The following SPOCK1 variants were observed in gnomAD, a reference collection of about 807,000 sequenced individuals.
SPOCK1 encodes the protein SPARC (osteonectin), cwcv and kazal like domains proteoglycan 1, also known as testican-1.
SPOCK1 carries 23 observed loss-of-function variants against 55.3 expected under a neutral mutation model. The ratio of observed to expected loss-of-function variants is 0.42; its 90% confidence interval spans 0.30 to 0.59. The LOEUF (loss-of-function observed/expected upper bound fraction) is 0.59. SPOCK1 is among the 20% of genes least tolerant of loss of function. SPOCK1 has a pLI of 0.22. For synonymous variants in SPOCK1, 226 were observed against 221.0 expected, an observed-to-expected ratio of 1.02 and a Z score of -0.20; for missense variants, 499 against 552.5, an observed-to-expected ratio of 0.90 and a Z score of 0.97.
At chr5:137,386,397 G>C (rs1001676229) in intron 2 of SPOCK1, among the ~76,000 whole-genome samples, 11 of 150,408 alleles carry the variant, frequency 7.3e-5, no homozygotes, top group Non-Finnish European at 1.2e-4. Context: ...AGAGGCCAAA[G>C]ACTGAATAGA....
chr5:137,389,024 A>G (rs1049438923), intron 2 of SPOCK1, among the ~76,000 whole-genome samples: 1 of 152,220 alleles, frequency 6.6e-6, no homozygotes, highest in Admixed American at 6.5e-5. Context: ...CTCATTCCAA[A>G]GACCAATCAA....
intron 3 of SPOCK1, among the ~76,000 whole-genome samples, chr5:137,162,130 T>G (rs952847788): frequency 7.2e-6 from 1 of 138,684 alleles, no homozygotes; most frequent in Non-Finnish European, 1.5e-5. Context: ...TCTAATGCTT[T>G]CTTTTTTTTT....
intron 2 of SPOCK1, among the ~76,000 whole-genome samples, chr5:137,361,478 C>G (rs144603307): frequency 1.4e-4 from 22 of 152,106 alleles, no homozygotes; most frequent in Non-Finnish European, 3.1e-4. Context: ...AGCATGTGTA[C>G]GTGCATAGAT....
At chr5:136,988,177 T>G (rs988764948) in intron 8 of SPOCK1, among the ~76,000 whole-genome samples, 4 of 152,220 alleles carry the variant, frequency 2.6e-5, no homozygotes, top group Non-Finnish European at 4.4e-5. Context: ...GTTGAGAGAC[T>G]TCCCCAAAGG....
At chr5:137,444,910 C>G (rs150295961) in intron 2 of SPOCK1, among the ~76,000 whole-genome samples, 201 of 152,352 alleles carry the variant, frequency 1.3e-3, no homozygotes, top group African/African-American at 4.6e-3. Context: ...ACCCAGCTAC[C>G]TAAGTTCCTC....
At chr5:137,373,618 C>T (rs888293377) in intron 2 of SPOCK1, among the ~76,000 whole-genome samples, 1 of 152,230 alleles carries the variant, frequency 6.6e-6, no homozygotes, top group African/African-American at 2.4e-5. Flanking sequence ...TCCTGAATGA[C>T]CCCACCTGGA....
At chr5:137,468,701 AGT>A (rs1214261056) in intron 2 of SPOCK1, among the ~76,000 whole-genome samples, 1 of 152,182 alleles carries the variant, frequency 6.6e-6, no homozygotes, top group African/African-American at 2.4e-5. Flanking sequence ...TCAAAAATTG[AGT>A]GTCAGCTGAA....
chr5:137,103,104 C>T (rs1360700989), intron 5 of SPOCK1, among the ~76,000 whole-genome samples: 2 of 152,118 alleles, frequency 1.3e-5, no homozygotes, highest in Admixed American at 1.3e-4. Flanking sequence ...GATTCTCCTG[C>T]CTCAGCCTCC....
Position 137,090,650 on chromosome 5 carries a change from C to T in SPOCK1, c.474+21785G>A, listed in dbSNP as rs1753036536. ...AATGGAAGGGCAGAATTCGGTCGAGCTTGATTGTGATGTAAAGTTGTATCC... is the reference window on the plus strand; with the variant it reads ...AATGGAAGGGCAGAATTCGGTCGAGTTTGATTGTGATGTAAAGTTGTATCC... On this transcript the variant is annotated intron_variant, in intron 5 of 10. Coordinates refer to ENST00000394945, the MANE Select transcript of SPOCK1 (RefSeq NM_004598.4). Among the ~76,000 whole-genome samples the T allele has an allele frequency of 2.0e-5, 3 of 152,184 alleles. No homozygotes were observed. The South Asian group carries it at 6.2e-4, about 32-fold the overall frequency.
chr5:137,194,013 G>A (rs1190764333), intron 3 of SPOCK1, among the ~76,000 whole-genome samples: 1 of 152,122 alleles, frequency 6.6e-6, no homozygotes, highest in African/African-American at 2.4e-5. Flanking sequence ...AAATGGCTGG[G>A]GTCAGCTCTC....
chr5:136,989,704 C>T (rs1385966311), intron 7 of SPOCK1, among the ~76,000 whole-genome samples: 3 of 152,072 alleles, frequency 2.0e-5, no homozygotes, highest in African/African-American at 7.2e-5. Flanking sequence ...CTCAATGACA[C>T]CTCTGCTAGC....
At chr5:136,979,293 C>T (rs780961902) in intron 10 of SPOCK1, 39 bp downstream of exon 10, 3 of 1,612,594 alleles carry the variant, frequency 1.9e-6, no homozygotes, top group Non-Finnish European at 2.5e-6. Context: ...CACAGGCCAC[C>T]CAGGTCATTG....
Position 136,985,148 on chromosome 5 carries a change from C to T in SPOCK1, c.983G>A (p.Ser328Asn), listed in dbSNP as rs1451511957. The T allele has an allele frequency of 6.2e-7, 1 of 1,614,130 alleles. No homozygotes were observed. Among genetic ancestry groups the T allele is most frequent in the South Asian group, 1.1e-5 (1 of 91,084 alleles). Residue 328 changes from serine (S) to asparagine (N), a missense_variant, in exon 9 of 11, where the codon AGC becomes AAC. Physicochemically the swap from Ser to Asn is conservative, Grantham distance 46. Around this residue, in one of 3 missense-constraint regions of SPOCK1, gnomAD observed 30 missense variants for 64.4 expected, o/e 0.47. Coordinates refer to ENST00000394945, the MANE Select transcript of SPOCK1 (RefSeq NM_004598.4). ...CAAGAAATTGTACTTACCCAACAGG[C>T]TTTTCCCCTTACTCAGCTTCTGAAT... ...NRIQKLSKGK[S>N]LLGAFIPRCN...
chr5:137,205,155 AT>A (rs1268848432), intron 3 of SPOCK1, among the ~76,000 whole-genome samples: 1 of 152,202 alleles, frequency 6.6e-6, no homozygotes, highest in African/African-American at 2.4e-5. Flanking sequence ...GAGCAAGTTC[AT>A]TCACTGCCAT....
At chr5:137,225,740 G>A (rs1313647445) in intron 3 of SPOCK1, among the ~76,000 whole-genome samples, 2 of 152,200 alleles carry the variant, frequency 1.3e-5, no homozygotes, top group African/African-American at 2.4e-5. Context: ...TGTCTAAGGT[G>A]GAGCTGCAAA....
chr5:137,040,235 G>C (rs1356266951), intron 6 of SPOCK1, among the ~76,000 whole-genome samples: 2 of 152,238 alleles, frequency 1.3e-5, no homozygotes, highest in Non-Finnish European at 2.9e-5. Flanking sequence ...ATCCGAAGAG[G>C]TGGGAAGGAT....
chr5:137,232,840 A>C (rs1756093067), intron 3 of SPOCK1, among the ~76,000 whole-genome samples: 1 of 152,222 alleles, frequency 6.6e-6, no homozygotes. Flanking sequence ...CTGTTCATTC[A>C]GGTCTTCTTT....
chr5:137,449,910 A>G (rs1253799025), intron 2 of SPOCK1, among the ~76,000 whole-genome samples: 10 of 147,368 alleles, frequency 6.8e-5, no homozygotes, highest in Middle Eastern at 3.5e-3. Flanking sequence ...AAAAAAAAAA[A>G]AAAAAAAGAA....
chr5:137,021,794 A>G (rs748268512), intron 6 of SPOCK1, among the ~76,000 whole-genome samples: 15 of 152,144 alleles, frequency 9.9e-5, no homozygotes, highest in Admixed American at 5.2e-4. Context: ...AATATTTTCC[A>G]TTGATTGGTA....
Sources: gnomAD v4.1 joint callset for allele counts (sites outside exome capture counted in the v4.1 genomes callset) on GRCh38, gnomAD v4.1.1 for gene constraint, gnomAD v4.1.1 regional missense constraint, MANE v1.5 for transcripts, NCBI Gene and HGNC (gene_info 2026-07-23, HGNC 2026-07-21) for gene names.